Variants in CUX1 observed in about 807,000 individuals in gnomAD.
The protein encoded by CUX1 is cut like homeobox 1, also known as protein CASP.
A neutral mutation model predicts 158.8 loss-of-function variants in CUX1; 31 were observed. That is an observed-to-expected ratio of 0.20 (90% confidence interval 0.15 to 0.26). The LOEUF (loss-of-function observed/expected upper bound fraction) is 0.26. CUX1 is among the 10% of genes least tolerant of loss of function. CUX1 has a pLI of 1.00. For missense variants in CUX1, 1,589 were observed against 2,014.6 expected, an observed-to-expected ratio of 0.79 and a Z score of 4.04; for synonymous variants, 879 against 862.1, an observed-to-expected ratio of 1.02 and a Z score of -0.34.
At chr7:102,236,589 A>C (rs782275897) in intron 22 of CUX1, among the ~76,000 whole-genome samples, 2 of 152,032 alleles carry the variant, frequency 1.3e-5, no homozygotes, top group Non-Finnish European at 2.9e-5. Context: ...TCAATGTCTT[A>C]TTATGGGAAA....
At chr7:102,178,151 C>T (rs1454120811) in intron 10 of CUX1, among the ~76,000 whole-genome samples, 1 of 152,246 alleles carries the variant, frequency 6.6e-6, no homozygotes, top group Non-Finnish European at 1.5e-5. Context: ...ATCCACCCAC[C>T]TTGGCCTCCC....
chr7:101,831,085 G>A (rs1156300044), intron 1 of CUX1, among the ~76,000 whole-genome samples: 3 of 152,078 alleles, frequency 2.0e-5, no homozygotes, highest in South Asian at 2.1e-4. Context: ...TTGGGGTATC[G>A]CGAGGTGTCC....
intron 11 of CUX1, among the ~76,000 whole-genome samples, chr7:102,179,507 A>G (rs1382984863): frequency 1.3e-5 from 2 of 152,226 alleles, no homozygotes; most frequent in African/African-American, 4.8e-5. Context: ...CTCTTGTCCA[A>G]GCACCTTTTC....
rs558611121 is a variant in CUX1 at position 101,933,387 on chromosome 7, C to A, written c.141+17162C>A. 1.9e-4 allele frequency among the ~76,000 whole-genome samples: 29 copies of A among 152,052 alleles called. No homozygotes were observed. The South Asian group carries it at 5.6e-3, about 29-fold the overall frequency. On this transcript the variant is annotated intron_variant, in intron 2 of 23. Transcript: ENST00000292535. ...CATTTTCCTTTTTTAACAACAACAA[C>A]AAAAAAGAATTAGATTTTTAAAAAA...
At chr7:101,885,224 C>T (rs932878374) in intron 1 of CUX1, among the ~76,000 whole-genome samples, 4 of 152,262 alleles carry the variant, frequency 2.6e-5, no homozygotes, top group East Asian at 1.9e-4. Context: ...GGCTGGATGC[C>T]CTGCCTCCAT....
At chr7:102,070,476 G>GT (rs1826007130) in intron 4 of CUX1, 59 bp downstream of exon 4, 1 of 1,339,136 alleles carries the variant, frequency 7.5e-7, no homozygotes, top group African/African-American at 1.5e-5. Context: ...GAGTCGGTGG[G>GT]TTTTTGGCTC....
chr7:101,844,784 T>G (rs1272461012), intron 1 of CUX1, among the ~76,000 whole-genome samples: 1 of 151,892 alleles, frequency 6.6e-6, no homozygotes, highest in Non-Finnish European at 1.5e-5. Context: ...CCCGGCTAAT[T>G]TTTGTATTTT....
At chr7:101,987,030 C>T (rs1585183357) in intron 2 of CUX1, among the ~76,000 whole-genome samples, 1 of 152,238 alleles carries the variant, frequency 6.6e-6, no homozygotes, top group East Asian at 1.9e-4. Context: ...CCAGTCTGCT[C>T]CTGCCACCCC....
chr7:101,872,966 A>G (rs4727511), intron 1 of CUX1, among the ~76,000 whole-genome samples: 59,088 of 151,632 alleles, frequency 0.39, 12,727 homozygotes, highest in East Asian at 0.88. Context: ...TCCGCCTCCC[A>G]GGTTCAAGTG....
chr7:101,930,415 A>C (rs1806157655), intron 2 of CUX1, among the ~76,000 whole-genome samples: 1 of 152,204 alleles, frequency 6.6e-6, no homozygotes, highest in African/African-American at 2.4e-5. Context: ...TATGTCAGTC[A>C]AGAAAATGAC....
intron 11 of CUX1, among the ~76,000 whole-genome samples, chr7:102,182,135 T>G (rs540386580): frequency 2.7e-4 from 41 of 152,326 alleles, no homozygotes; most frequent in African/African-American, 6.0e-4. Context: ...GGCTCCAAGC[T>G]CCCAGCTCTG....
At chr7:102,195,693 A>G in intron 14 of CUX1, 90 bp downstream of exon 14, 1 of 1,196,076 alleles carries the variant, frequency 8.4e-7, no homozygotes, top group East Asian at 2.7e-5. Context: ...GAGTCTGGAC[A>G]GATGCATGGC....
At chr7:102,200,992 G>A (rs998778963) in intron 17 of CUX1, among the ~76,000 whole-genome samples, 14 of 128,278 alleles carry the variant, frequency 1.1e-4, no homozygotes, top group Non-Finnish European at 2.2e-4. Context: ...GTGCCACTGC[G>A]CTCCAGCCTG....
At chr7:102,113,453 G>A (rs990923904) in intron 7 of CUX1, among the ~76,000 whole-genome samples, 2 of 151,604 alleles carry the variant, frequency 1.3e-5, no homozygotes, top group African/African-American at 2.4e-5. Flanking sequence ...ACGAGGTTTC[G>A]CCATGTTGGC....
intron 21 of CUX1, among the ~76,000 whole-genome samples, chr7:102,233,778 C>T (rs940573317): frequency 6.6e-6 from 1 of 152,068 alleles, no homozygotes; most frequent in Non-Finnish European, 1.5e-5. Context: ...CAGAGCAAGA[C>T]TCCATCTCAA....
chr7:102,197,079 C>T lies in CUX1; in HGVS notation c.1668C>T (p.Ile556=). 4 of 1,614,228 alleles carry T rather than the reference C, an allele frequency of 2.5e-6. No homozygotes were observed. Among genetic ancestry groups the T allele is most frequent in the Non-Finnish European group, 2.5e-6 (3 of 1,180,040 alleles). The change falls in exon 15 of 24, where the codon ATC becomes ATT. Residue 556 remains isoleucine, a synonymous_variant. Coordinates refer to ENST00000292535, the MANE Select transcript of CUX1 (RefSeq NM_181552.4). ...GCGAGGAGATGGACACTGCAGAAAT[C>T]GCCCGGCAGGTCAAAGAGCAGCTGA... is the stretch of plus-strand genomic sequence containing the variant. ...SEGEEMDTAE[I]ARQVKEQLIK...
chr7:101,919,157 G>A (rs889140121), intron 2 of CUX1, among the ~76,000 whole-genome samples: 1 of 152,176 alleles, frequency 6.6e-6, no homozygotes, highest in African/African-American at 2.4e-5. Flanking sequence ...TGTGCTGGGT[G>A]TGCAGGAGGC....
chr7:102,031,474 A>G (rs1343769983), intron 3 of CUX1, among the ~76,000 whole-genome samples: 3 of 152,098 alleles, frequency 2.0e-5, no homozygotes, highest in Non-Finnish European at 4.4e-5. Flanking sequence ...GATACCTTAA[A>G]TTTGAAATAC....
At chr7:102,207,697 C>T (rs936940393) in intron 20 of CUX1, among the ~76,000 whole-genome samples, 2 of 152,170 alleles carry the variant, frequency 1.3e-5, no homozygotes, top group African/African-American at 4.8e-5. Context: ...GGTGATCCCC[C>T]CACCTTGGCC....
Sources: allele counts gnomAD v4.1 joint callset (sites outside exome capture counted in the v4.1 genomes callset), GRCh38; gene constraint gnomAD v4.1.1; transcripts MANE v1.5; gene names NCBI Gene and HGNC (gene_info 2026-07-23, HGNC 2026-07-21).